Variants in SLC9A8 observed in about 807,000 individuals in gnomAD.
The protein encoded by SLC9A8 is solute carrier family 9 member A8, also known as sodium/hydrogen exchanger 8.
In SLC9A8, 48 loss-of-function variants were observed where a neutral mutation model predicts 66.6. The observed-to-expected ratio is 0.72, with a 90% CI of 0.57 to 0.92. The LOEUF (loss-of-function observed/expected upper bound fraction) is 0.92, where lower values mean the gene tolerates loss of function less well. Among genes scored for constraint, SLC9A8 ranks in the 40% least tolerant of loss-of-function variants. SLC9A8 has a pLI of 0.00. For missense variants in SLC9A8, 599 were observed against 747.3 expected (o/e 0.80, Z 2.31); for synonymous variants, 274 against 282.6 (o/e 0.97, Z 0.31).
At chr20:49,849,413 C>A (rs568569377) in intron 5 of SLC9A8, among the ~76,000 whole-genome samples, 166 bp from the exon 6 acceptor site, 4 of 152,024 alleles carry the variant, frequency 2.6e-5, no homozygotes, top group Non-Finnish European at 5.9e-5. Flanking sequence ...GCAGTAAGTG[C>A]GGGGGTGCAG....
intron 8 of SLC9A8, among the ~76,000 whole-genome samples, chr20:49,858,816 G>A (rs997263170): frequency 6.6e-6 from 1 of 151,934 alleles, no homozygotes; most frequent in African/African-American, 2.4e-5. Context: ...AAATTAGCCC[G>A]GCATGGTGGT....
chr20:49,864,969 AT>A, intron 10 of SLC9A8, 125 bp downstream of exon 10: 1 of 661,286 alleles, frequency 1.5e-6, no homozygotes, highest in East Asian at 2.7e-5. Flanking sequence ...AGCTTAAGTA[AT>A]AAAGGAAATC....
chr20:49,877,903 TTTGC>T, intron 11 of SLC9A8, 74 bp from the exon 12 acceptor site: 1 of 945,610 alleles, frequency 1.1e-6, no homozygotes, highest in Non-Finnish European at 1.6e-6. Flanking sequence ...ACTGTGAATG[TTTGC>T]TTGCTTAATA....
chr20:49,828,430 G>A (rs2087012217), intron 3 of SLC9A8, among the ~76,000 whole-genome samples: 1 of 150,966 alleles, frequency 6.6e-6, no homozygotes, highest in Admixed American at 6.6e-5. Flanking sequence ...CTTCATGTTG[G>A]TCAGGCTGGT....
chr20:49,812,997 G>A, intron 1 of SLC9A8, 49 bp downstream of exon 1: 1 of 1,357,194 alleles, frequency 7.4e-7, no homozygotes, highest in South Asian at 1.6e-5. Context: ...CTGGGCCCCG[G>A]CGGGTGACAG....
Position 49,883,985 on chromosome 20 carries a change from C to T in SLC9A8, c.1410C>T (p.Leu470=), listed in dbSNP as rs1392066151. The part of the protein sequence containing the change: ...ILLLGGSTMP[L]IRLMDIEDAK... ...TGCTGGGCGGCAGCACCATGCCCCT[C>T]ATTCGCCTCATGGACATCGAGGACG... Residue 470 remains leucine (L), a synonymous_variant, in exon 14 of 16, where the codon CTC becomes CTT. Transcript: ENST00000361573. The T allele has an allele frequency of 1.2e-6, 2 of 1,613,632 alleles. No homozygotes were observed. The highest frequency in any genetic ancestry group is 1.1e-5 in the South Asian group (1 of 91,074).
intron 7 of SLC9A8, among the ~76,000 whole-genome samples, chr20:49,854,959 C>G (rs1413110173): frequency 6.6e-6 from 1 of 152,208 alleles, no homozygotes; most frequent in African/African-American, 2.4e-5. Context: ...CCACTCACCC[C>G]CAAAGCACAC....
intron 12 of SLC9A8, among the ~76,000 whole-genome samples, chr20:49,878,973 G>T (rs749406213): frequency 1.1e-4 from 17 of 151,956 alleles, no homozygotes; most frequent in Admixed American, 2.6e-4. Context: ...AGTGAGCTGA[G>T]ATCATGCCAT....
intron 3 of SLC9A8, among the ~76,000 whole-genome samples, chr20:49,825,020 T>C (rs2146477428): frequency 6.6e-6 from 1 of 152,288 alleles, no homozygotes; most frequent in Middle Eastern, 3.4e-3. Flanking sequence ...TGATGCCTAG[T>C]GGACTGGTAG....
At chr20:49,827,604 G>GAA (rs75265328) in intron 3 of SLC9A8, among the ~76,000 whole-genome samples, 3 of 104,526 alleles carry the variant, frequency 2.9e-5, no homozygotes, top group Non-Finnish European at 4.0e-5. Context: ...ACTGCATCTC[G>GAA]AAAAAAAAAA....
Position 49,815,206 on chromosome 20 carries a change from TCATCCCCATCATCTGC to T in SLC9A8, c.208+24_208+39del. 2 of 1,497,776 alleles carry T rather than the reference TCATCCCCATCATCTGC, an allele frequency of 1.3e-6. No individual in the cohort carries two copies. The highest frequency in any genetic ancestry group is 1.8e-6 in the Non-Finnish European group (2 of 1,118,588). 92.8% of individuals were successfully genotyped at this position (1,497,776 alleles called of 1,614,324 possible). On this transcript the variant is annotated intron_variant, in intron 2 of 15. Coordinates refer to ENST00000361573, the MANE Select transcript of SLC9A8 (RefSeq NM_015266.3). Reference sequence around the variant, plus strand: ...TTGTCCTAGGTGAATATGGACACTGTCATCCCCATCATCTGCCATCCCGTGTCTGTGTGCTCGGTCT... The same window carrying T: ...TTGTCCTAGGTGAATATGGACACTGTCATCCCGTGTCTGTGTGCTCGGTCT...
At chr20:49,869,971 C>G (rs1449543050) in intron 10 of SLC9A8, among the ~76,000 whole-genome samples, 1 of 152,142 alleles carries the variant, frequency 6.6e-6, no homozygotes, top group African/African-American at 2.4e-5. Context: ...CTGGAAGGAA[C>G]TATATGTTCA....
chr20:49,827,324 T>A (rs568280545), intron 3 of SLC9A8, among the ~76,000 whole-genome samples: 1 of 149,990 alleles, frequency 6.7e-6, no homozygotes, highest in East Asian at 2.0e-4. Context: ...AAAATGAGGC[T>A]GGGTGCAGTG....
intron 3 of SLC9A8, among the ~76,000 whole-genome samples, chr20:49,825,041 A>G (rs1568795054): frequency 6.6e-6 from 1 of 152,150 alleles, no homozygotes; most frequent in Non-Finnish European, 1.5e-5. Flanking sequence ...CCATCTTGCA[A>G]CTACTGTGGC....
At chr20:49,843,603 T>G (rs921843971) in intron 4 of SLC9A8, among the ~76,000 whole-genome samples, 11 of 152,220 alleles carry the variant, frequency 7.2e-5, no homozygotes, top group African/African-American at 2.4e-4. Context: ...ATTTTGGGCT[T>G]GAGGACCAAT....
At chr20:49,816,491 C>T (rs2086554070) in intron 2 of SLC9A8, among the ~76,000 whole-genome samples, 1 of 151,798 alleles carries the variant, frequency 6.6e-6, no homozygotes. Flanking sequence ...GAGGAAATTT[C>T]AGCATAGAGA....
intron 4 of SLC9A8, among the ~76,000 whole-genome samples, chr20:49,843,800 T>C (rs193027301): frequency 1.4e-4 from 21 of 152,298 alleles, no homozygotes; most frequent in African/African-American, 4.8e-4. Context: ...AACCTCATGC[T>C]GAAATTTGAT....
chr20:49,865,055 C>T (rs570255892), intron 10 of SLC9A8, among the ~76,000 whole-genome samples: 8 of 152,334 alleles, frequency 5.3e-5, no homozygotes, highest in East Asian at 3.9e-4. Flanking sequence ...ATTGGTGTCA[C>T]GGTCACATTT....
Position 49,874,719 on chromosome 20 carries a change from CT to C in SLC9A8, c.977del (p.Phe326SerfsTer5), listed in dbSNP as rs1156852476. On this transcript the variant is annotated frameshift_variant, in exon 11 of 16. Coordinates refer to ENST00000361573, the MANE Select transcript of SLC9A8 (RefSeq NM_015266.3). LOFTEE classifies it high-confidence loss of function. ...GISLSGIMAILFSGIVMSHYT... is the reference protein window; with the variant it reads ...GISLSGIMAIXFSGIVMSHYT... ...TCCCTCTCTAGGCATCATGGCCATC[CT>C]TTTCTCAGGCATCGTGATGTCCCAC... 1 of 1,606,174 alleles carries C rather than the reference CT, an allele frequency of 6.2e-7. No homozygotes were observed. Among genetic ancestry groups the C allele is most frequent in the South Asian group, 1.1e-5 (1 of 90,892 alleles).
Sources: allele counts gnomAD v4.1 joint callset (sites outside exome capture counted in the v4.1 genomes callset), GRCh38; gene constraint gnomAD v4.1.1; transcripts MANE v1.5; gene names NCBI Gene and HGNC (gene_info 2026-07-23, HGNC 2026-07-21).